Variants in ADAMTS16 observed in about 807,000 individuals in gnomAD.
The protein encoded by ADAMTS16 is ADAM metallopeptidase with thrombospondin type 1 motif 16, also known as A disintegrin and metalloproteinase with thrombospondin motifs 16.
ADAMTS16 carries 94 observed loss-of-function variants against 145.8 expected under a neutral mutation model. That is an observed-to-expected ratio of 0.64 (90% CI 0.55 to 0.77). ADAMTS16 has a LOEUF of 0.77. Ranked by LOEUF, ADAMTS16 falls within the 30% of genes least tolerant of loss-of-function variation. The pLI is 0.00. For missense variants in ADAMTS16, 1,585 were observed against 1,591.5 expected, an observed-to-expected ratio of 1.00 and a Z score of 0.07; for synonymous variants, 659 against 604.3, an observed-to-expected ratio of 1.09 and a Z score of -1.33.
chr5:5,182,958 C>G (rs895558216), intron 4 of ADAMTS16, among the ~76,000 whole-genome samples: 6 of 152,114 alleles, frequency 3.9e-5, no homozygotes, highest in Non-Finnish European at 8.8e-5. Context: ...ACTGCCCCCT[C>G]TCCCCCTGCC....
intron 17 of ADAMTS16, among the ~76,000 whole-genome samples, chr5:5,248,115 G>T (rs1266547770): frequency 6.6e-6 from 1 of 152,178 alleles, no homozygotes; most frequent in Non-Finnish European, 1.5e-5. Flanking sequence ...ACACCGTCTG[G>T]TTTTCCATGT....
chr5:5,276,012 T>A (rs1013724902), intron 18 of ADAMTS16, among the ~76,000 whole-genome samples: 2 of 152,050 alleles, frequency 1.3e-5, no homozygotes, highest in African/African-American at 4.8e-5. Context: ...GCATGCACCA[T>A]CATGCTCAGC....
At chr5:5,274,013 G>A (rs185213636) in intron 18 of ADAMTS16, among the ~76,000 whole-genome samples, 1 of 150,216 alleles carries the variant, frequency 6.7e-6, no homozygotes, top group African/African-American at 2.5e-5. Context: ...GTATGTGTAT[G>A]TGTTTTGTTT....
At chr5:5,179,796 T>TG (rs1735291132) in intron 3 of ADAMTS16, among the ~76,000 whole-genome samples, 2 of 152,314 alleles carry the variant, frequency 1.3e-5, no homozygotes, top group East Asian at 3.9e-4. Flanking sequence ...CCAGGAGGTC[T>TG]ACCCCCCATG....
In ADAMTS16 at chr5:5,235,151, G is replaced by A. The variant is rs375617826; in HGVS notation, c.1988G>A (p.Arg663Gln). Residue 663 changes from arginine to glutamine, a missense_variant, in exon 13 of 23, where the codon CGG becomes CAG. By Grantham distance (43) the Arg-to-Gln change is conservative. Coordinates refer to ENST00000274181, the MANE Select transcript of ADAMTS16 (RefSeq NM_139056.4). ...AEHNSRRFRG[R>Q]HYKWKPYTQV... ...CACAACAGCAGACGATTCAGAGGGC[G>A]GCACTACAAGTGGAAGCCTTACACT... The A allele has an allele frequency of 3.7e-5, 58 of 1,587,954 alleles. No individual in the cohort carries two copies. The highest frequency in any genetic ancestry group is 4.3e-5 in the Non-Finnish European group (50 of 1,159,258).
chr5:5,270,833 C>T lies in ADAMTS16; in HGVS notation c.2789+8050C>T, dbSNP rs904941132. Among the ~76,000 whole-genome samples, 2 of 152,158 alleles carry T rather than the reference C, an allele frequency of 1.3e-5. 1 individual carries two copies. Among genetic ancestry groups the T allele is most frequent in the African/African-American group, 4.8e-5 (2 of 41,420 alleles). On this transcript the variant is annotated intron_variant, in intron 18 of 22. Coordinates refer to ENST00000274181, the MANE Select transcript of ADAMTS16 (RefSeq NM_139056.4). ...GAGGATGGAGTGTGCATCTTTCTTA[C>T]TGAATTCTGCCTCCCTGAGAGGCTT...
At chr5:5,286,308 C>A (rs1739097731) in intron 18 of ADAMTS16, among the ~76,000 whole-genome samples, 1 of 152,070 alleles carries the variant, frequency 6.6e-6, no homozygotes, top group South Asian at 2.1e-4. Context: ...ATAAATTATG[C>A]CAATGATAAT....
intron 3 of ADAMTS16, among the ~76,000 whole-genome samples, chr5:5,147,160 T>G (rs1734321880): frequency 6.6e-6 from 1 of 152,210 alleles, no homozygotes; most frequent in Admixed American, 6.5e-5. Flanking sequence ...TGCTTTTTAC[T>G]TAAAATATTT....
At chr5:5,196,927 C>T (rs1257715570) in intron 8 of ADAMTS16, among the ~76,000 whole-genome samples, 2 of 152,222 alleles carry the variant, frequency 1.3e-5, no homozygotes, top group Admixed American at 1.3e-4. Flanking sequence ...TGCACCTCCA[C>T]AGCCCATGCT....
At chr5:5,184,660 C>A (rs931190916) in intron 4 of ADAMTS16, among the ~76,000 whole-genome samples, 1 of 152,082 alleles carries the variant, frequency 6.6e-6, no homozygotes, top group East Asian at 1.9e-4. Context: ...GATTAGTGGG[C>A]CTGCTGCCCT....
intron 9 of ADAMTS16, among the ~76,000 whole-genome samples, chr5:5,205,298 G>T: frequency 6.9e-6 from 1 of 145,384 alleles, no homozygotes. Context: ...TGGTGCTTTT[G>T]TACACTGCTG....
intron 10 of ADAMTS16, among the ~76,000 whole-genome samples, 184 bp from the exon 11 acceptor site, chr5:5,222,605 G>C (rs982717409): frequency 2.0e-5 from 3 of 152,086 alleles, no homozygotes; most frequent in African/African-American, 7.2e-5. Context: ...GAATTAATTT[G>C]AACCAAGTCT....
intron 18 of ADAMTS16, among the ~76,000 whole-genome samples, chr5:5,267,170 T>A (rs1579358464): frequency 6.6e-6 from 1 of 152,130 alleles, no homozygotes; most frequent in Non-Finnish European, 1.5e-5. Flanking sequence ...GATGGGCAGG[T>A]TGTGGGGCTC....
chr5:5,237,956 A>C (rs1183856164), intron 14 of ADAMTS16, among the ~76,000 whole-genome samples: 1 of 152,222 alleles, frequency 6.6e-6, no homozygotes, highest in African/African-American at 2.4e-5. Context: ...TTTCAAATGA[A>C]GAAGTTTTTC....
At chr5:5,225,139 A>G (rs1736723002) in intron 11 of ADAMTS16, among the ~76,000 whole-genome samples, 1 of 152,126 alleles carries the variant, frequency 6.6e-6, no homozygotes, top group Non-Finnish European at 1.5e-5. Context: ...TTCAGTGGCC[A>G]GTGTGGGACT....
chr5:5,307,994 G>T (rs2126524878), intron 21 of ADAMTS16, among the ~76,000 whole-genome samples: 1 of 152,334 alleles, frequency 6.6e-6, no homozygotes, highest in East Asian at 1.9e-4. Flanking sequence ...CTGAATGCTG[G>T]TTGCTAAAAA....
intron 18 of ADAMTS16, among the ~76,000 whole-genome samples, chr5:5,284,171 C>T (rs371478424): frequency 6.6e-6 from 1 of 152,212 alleles, no homozygotes; most frequent in Admixed American, 6.5e-5. Flanking sequence ...AAAATCATTG[C>T]TTATGCCACT....
intron 18 of ADAMTS16, among the ~76,000 whole-genome samples, chr5:5,282,388 G>A (rs1039889469): frequency 6.6e-6 from 1 of 152,212 alleles, no homozygotes; most frequent in African/African-American, 2.4e-5. Flanking sequence ...GGAATGAAGT[G>A]TAAGGTTCCC....
chr5:5,177,878 G>A (rs905492161), intron 3 of ADAMTS16, among the ~76,000 whole-genome samples: 10 of 152,120 alleles, frequency 6.6e-5, no homozygotes, highest in African/African-American at 2.4e-4. Flanking sequence ...TAGGGCGCAT[G>A]GCGTCACCTG....
Sources: allele counts gnomAD v4.1 joint callset (sites outside exome capture counted in the v4.1 genomes callset), GRCh38; gene constraint gnomAD v4.1.1; transcripts MANE v1.5; gene names NCBI Gene and HGNC (gene_info 2026-07-23, HGNC 2026-07-21).